Variants in DLC1 observed in about 807,000 individuals in gnomAD.
DLC1 encodes the protein rho GTPase-activating protein 7.
A neutral mutation model predicts 140.3 loss-of-function variants in DLC1; 54 were observed. The observed-to-expected ratio is 0.38, with a 90% confidence interval of 0.31 to 0.48. DLC1 has a LOEUF of 0.48. Among genes scored for constraint, DLC1 ranks in the 20% least tolerant of loss-of-function variants. DLC1 has a pLI of 0.96. For synonymous variants in DLC1, 986 were observed against 728.1 expected, an observed-to-expected ratio of 1.35 and a Z score of -5.70; for missense variants, 2,536 against 1,907.0, an observed-to-expected ratio of 1.33 and a Z score of -6.14.
At chr8:13,263,250 C>T (rs1281634751) in intron 5 of DLC1, among the ~76,000 whole-genome samples, 1 of 152,074 alleles carries the variant, frequency 6.6e-6, no homozygotes, top group Non-Finnish European at 1.5e-5. Context: ...ATCAGTGTTA[C>T]TTAATATAAG....
At chr8:13,148,050 T>C (rs10093276) in intron 5 of DLC1, among the ~76,000 whole-genome samples, 27,736 of 152,094 alleles carry the variant, frequency 0.18, 2,674 homozygotes, top group Non-Finnish European at 0.21. Context: ...GTTGTATTCT[T>C]CCTCTCTATA....
At chr8:13,398,036 C>T (rs1586275050) in intron 3 of DLC1, among the ~76,000 whole-genome samples, 5 of 151,616 alleles carry the variant, frequency 3.3e-5, no homozygotes, top group African/African-American at 1.2e-4. Flanking sequence ...GAGGCTGAGG[C>T]AGGAGAATTG....
Position 13,344,415 on chromosome 8 carries a change from C to T in DLC1, c.1315-39113G>A, listed in dbSNP as rs1169954630. Among the ~76,000 whole-genome samples, 3 of 152,300 alleles carry T rather than the reference C, an allele frequency of 2.0e-5. No individual in the cohort carries two copies. The East Asian group carries it at 5.8e-4, about 29-fold the overall frequency. On this transcript the variant is annotated intron_variant, in intron 4 of 17. Transcript: ENST00000276297. ...GGCTGAGGCAGGAGAATAGCTTGAA[C>T]CCGGGAGGTGGAGGTTGCAGTGAGC...
intron 4 of DLC1, among the ~76,000 whole-genome samples, chr8:13,367,170 T>C (rs1835524769): frequency 6.6e-6 from 1 of 152,162 alleles, no homozygotes; most frequent in South Asian, 2.1e-4. Context: ...TCTACTTTAG[T>C]CCTGGTCACT....
chr8:13,189,866 GA>G (rs1826642299), intron 5 of DLC1, among the ~76,000 whole-genome samples: 1 of 140,584 alleles, frequency 7.1e-6, no homozygotes, highest in Non-Finnish European at 1.5e-5. Flanking sequence ...TGGGCAACAA[GA>G]GCGAAACTCC....
rs965704625 is a variant in DLC1 at position 13,425,843 on chromosome 8, T to G, written c.1024-24224A>C. Among the ~76,000 whole-genome samples, 10 of 152,294 alleles carry G rather than the reference T, an allele frequency of 6.6e-5. No individual in the cohort carries two copies. In the East Asian group the frequency reaches 1.7e-3, roughly 26 times the overall value. ...GGGCTGTAGTGCAGTGGCACAATCA[T>G]AGCTCACTGTAGCCTTGACCTCCTG... On this transcript the variant is annotated intron_variant, in intron 2 of 17. Transcript: ENST00000276297.
chr8:13,158,201 C>A (rs1824401444), intron 5 of DLC1, among the ~76,000 whole-genome samples: 1 of 152,120 alleles, frequency 6.6e-6, no homozygotes, highest in South Asian at 2.1e-4. Context: ...GCCCAATCAC[C>A]CCATATCATC....
At chr8:13,522,227 A>G (rs573388774) in intron 1 of DLC1, among the ~76,000 whole-genome samples, 71 of 152,264 alleles carry the variant, frequency 4.7e-4, no homozygotes, top group African/African-American at 1.7e-3. Flanking sequence ...GAGCTTTTAC[A>G]ATGGAGAAGA....
chr8:13,135,641 T>C (rs1822514440), intron 5 of DLC1, among the ~76,000 whole-genome samples: 1 of 152,222 alleles, frequency 6.6e-6, no homozygotes, highest in South Asian at 2.1e-4. Context: ...TAAAAATATA[T>C]TCTAAATATC....
intron 5 of DLC1, among the ~76,000 whole-genome samples, chr8:13,302,518 A>G (rs543250698): frequency 2.3e-4 from 35 of 152,320 alleles, no homozygotes; most frequent in African/African-American, 7.7e-4. Context: ...GAAGATAGCT[A>G]CTTACAGCAC....
chr8:13,486,045 A>T (rs2117140137), intron 2 of DLC1, among the ~76,000 whole-genome samples: 1 of 152,320 alleles, frequency 6.6e-6, no homozygotes, highest in African/African-American at 2.4e-5. Flanking sequence ...TTTAAAATTT[A>T]TCATGCCTCA....
chr8:13,196,201 G>A (rs1437473666), intron 5 of DLC1, among the ~76,000 whole-genome samples: 2 of 151,880 alleles, frequency 1.3e-5, no homozygotes, highest in South Asian at 2.1e-4. Context: ...GGACTGGAGA[G>A]GTGTTTAAAA....
intron 5 of DLC1, among the ~76,000 whole-genome samples, chr8:13,288,425 T>C (rs1266798166): frequency 6.6e-6 from 1 of 152,240 alleles, no homozygotes; most frequent in Non-Finnish European, 1.5e-5. Context: ...ACTCAAACTC[T>C]AGCCTCCAGC....
At chr8:13,489,213 C>G (rs552064057) in intron 2 of DLC1, among the ~76,000 whole-genome samples, 1 of 152,116 alleles carries the variant, frequency 6.6e-6, no homozygotes, top group Non-Finnish European at 1.5e-5. Flanking sequence ...CCCCAAAGTG[C>G]TGGGATTACA....
chr8:13,094,644 T>A, intron 12 of DLC1, 115 bp downstream of exon 12: 1 of 1,292,776 alleles, frequency 7.7e-7, no homozygotes, highest in Non-Finnish European at 1.1e-6. Flanking sequence ...CCAGCCTGGA[T>A]GACAGAGCGA....
intron 1 of DLC1, among the ~76,000 whole-genome samples, chr8:13,539,746 G>GTGTA (rs1346309133): frequency 8.0e-6 from 1 of 125,420 alleles, no homozygotes; most frequent in South Asian, 2.4e-4. Flanking sequence ...AGAAATGTGT[G>GTGTA]TGTATGTGTG....
At chr8:13,443,466 T>G (rs1174464175) in intron 2 of DLC1, among the ~76,000 whole-genome samples, 2 of 151,288 alleles carry the variant, frequency 1.3e-5, no homozygotes, top group African/African-American at 4.9e-5. Flanking sequence ...GAGACCATCC[T>G]GGCTAACATG....
intron 5 of DLC1, among the ~76,000 whole-genome samples, chr8:13,188,068 A>G (rs1404728052): frequency 2.7e-5 from 4 of 148,692 alleles, no homozygotes; most frequent in Non-Finnish European, 5.9e-5. Flanking sequence ...GCAGGTCCAT[A>G]CAACAGTGGC....
At chr8:13,366,445 G>A (rs1041186111) in intron 4 of DLC1, among the ~76,000 whole-genome samples, 1 of 152,144 alleles carries the variant, frequency 6.6e-6, no homozygotes, top group African/African-American at 2.4e-5. Flanking sequence ...GTGTGAATGG[G>A]GAGGTTCTAT....
Sources: allele counts gnomAD v4.1 joint callset (sites outside exome capture counted in the v4.1 genomes callset), GRCh38; gene constraint gnomAD v4.1.1; transcripts MANE v1.5; gene names NCBI Gene and HGNC (gene_info 2026-07-23, HGNC 2026-07-21).